The following MYH3 variants were observed in gnomAD, a reference collection of about 807,000 sequenced individuals.
The protein encoded by MYH3 is myosin heavy chain 3, also known as myosin-3.
A neutral mutation model predicts 238.0 loss-of-function variants in MYH3; 130 were observed. The observed-to-expected ratio is 0.55, with a 90% CI of 0.47 to 0.63. The LOEUF (loss-of-function observed/expected upper bound fraction) is 0.63, where lower values mean the gene tolerates loss of function less well. Ranked by LOEUF, MYH3 falls within the 30% of genes least tolerant of loss-of-function variation. The probability of loss-of-function intolerance (pLI) is 0.00; values close to 1 mark genes in which losing one functional copy is unlikely to be tolerated. For missense variants in MYH3, 1,853 were observed against 2,374.9 expected, an observed-to-expected ratio of 0.78 and a Z score of 4.57; for synonymous variants, 880 against 924.1, an observed-to-expected ratio of 0.95 and a Z score of 0.86.
upstream of MYH3, among the ~76,000 whole-genome samples, chr17:10,658,363 C>T (rs781242403): frequency 6.6e-6 from 1 of 152,094 alleles, no homozygotes. Context: ...CCGCCCCTTC[C>T]GTACACAGCA....
At chr17:10,632,872 A>C in intron 33 of MYH3, 88 bp from the exon 34 acceptor site, 1 of 1,323,678 alleles carries the variant, frequency 7.6e-7, no homozygotes, top group Non-Finnish European at 1.1e-6. Context: ...CTTCAATGGA[A>C]TAGTCCTAAA....
At chr17:10,628,752 T>G in intron 40 of MYH3, 73 bp from the exon 41 acceptor site, 9 of 1,511,750 alleles carry the variant, frequency 6.0e-6, no homozygotes, top group South Asian at 1.1e-5. Context: ...TTCTGCCGGC[T>G]GGCATCAGAG....
intron 14 of MYH3, among the ~76,000 whole-genome samples, 198 bp downstream of exon 14, chr17:10,644,153 T>A (rs2074298383): frequency 1.1e-5 from 1 of 93,778 alleles, no homozygotes; most frequent in South Asian, 3.3e-4. Flanking sequence ...TGAAACTCAG[T>A]CTCAAAAAAA....
intron 8 of MYH3, among the ~76,000 whole-genome samples, chr17:10,648,187 C>T (rs199597916): frequency 2.0e-4 from 31 of 152,262 alleles, no homozygotes; most frequent in East Asian, 1.9e-3. Context: ...CACAGACCCT[C>T]TGTAGGTGCC....
At chr17:10,632,342 C>G (rs761438039) in intron 34 of MYH3, 134 bp downstream of exon 34, 16 of 1,070,288 alleles carry the variant, frequency 1.5e-5, no homozygotes, top group African/African-American at 3.1e-5. Flanking sequence ...TGGTATCAAA[C>G]TCCTGGGCTC....
chr17:10,632,565 G>C lies in MYH3; in HGVS notation c.4867C>G (p.Leu1623Val), dbSNP rs1268158886. The change falls in exon 34 of 41, where the codon CTG becomes GTG. Residue 1623 changes from leucine (L) to valine (V), a missense_variant. Physicochemically the swap from Leu to Val is conservative, Grantham distance 32. Transcript: ENST00000583535. The part of the protein sequence containing the change: ...IRLKKKMEGD[L>V]NEIEIQLSHA... ...CTCAGCTGGATCTCGATTTCATTCA[G>C]GTCCCCCTCCATCTTCTTCTTGAGC... 2 of 1,614,166 alleles carry C rather than the reference G, an allele frequency of 1.2e-6. No individual in the cohort carries two copies. The highest frequency in any genetic ancestry group is 1.7e-6 in the Non-Finnish European group (2 of 1,180,052).
rs750838090 is a variant in MYH3 at position 10,639,805 on chromosome 17, T to TA, written c.2683-4dup. On this transcript the variant is annotated splice_region_variant and splice_polypyrimidine_tract_variant and intron_variant, in intron 22 of 40. Transcript: ENST00000583535. ...GCATCCAACAAATTTTCGCTTTCCT[T>TA]AAAAAAAAAAGAATAATAACTTCGT... 3,324 of 1,320,172 alleles carry TA rather than the reference T, an allele frequency of 2.5e-3. 2 individuals are homozygous for TA. Among genetic ancestry groups the TA allele is most frequent in the Non-Finnish European group, 2.7e-3 (2,612 of 956,120 alleles). 81.8% of individuals were successfully genotyped at this position (1,320,172 alleles called of 1,614,324 possible).
At position 10,635,431 on chromosome 17, in the gene MYH3, C is replaced by T. The variant is rs1314982652; in HGVS notation, c.4108G>A (p.Ala1370Thr). 6.2e-7 allele frequency: 1 copy of T among 1,614,088 alleles called. No individual in the cohort carries two copies. The highest frequency in any genetic ancestry group is 1.3e-5 in the African/African-American group (1 of 75,064). Residue 1370 changes from alanine to threonine, a missense_variant, in exon 30 of 41, where the codon GCC becomes ACC. Around this residue, in one of 3 missense-constraint regions of MYH3, gnomAD observed 1,044 missense variants for 1,192.6 expected, o/e 0.88. Transcript: ENST00000583535. ...GTCTCGTATTTGGTTCTCCACTGGG[C>T]AACCTCACTATTGGCCTTGGACAGC... ...RALSKANSEVAQWRTKYETDA... is the reference protein window; with the variant it reads ...RALSKANSEVTQWRTKYETDA...
At chr17:10,637,249 G>A (rs1336058986) in intron 28 of MYH3, among the ~76,000 whole-genome samples, 3 of 151,920 alleles carry the variant, frequency 2.0e-5, no homozygotes, top group Admixed American at 1.3e-4. Context: ...TAATAGAGAC[G>A]GGGTTTCACC....
chr17:10,635,369 G>A lies in MYH3; in HGVS notation c.4170C>T (p.Ala1390=), dbSNP rs1319307535. 6.2e-7 allele frequency: 1 copy of A among 1,613,994 alleles called. No individual in the cohort carries two copies. Residue 1390 remains alanine, a splice_region_variant and synonymous_variant, in exon 30 of 41, where the codon GCC becomes GCT. Transcript: ENST00000583535. The stretch of plus-strand genomic sequence containing the variant: ...TAAAAGCAAACAGAGCTGCGCACTT[G>A]GCCTCCTCCAGCTCTTCTGTGCGCT... The part of the protein sequence containing the change: ...AIQRTEELEE[A]KKKLAQRLQD...
chr17:10,633,959 T>G (rs1181181231), intron 32 of MYH3, 58 bp downstream of exon 32: 1 of 1,598,060 alleles, frequency 6.3e-7, no homozygotes, highest in Non-Finnish European at 8.5e-7. Context: ...CACGCCAGCA[T>G]GCTCTCGAGC....
intron 10 of MYH3, 73 bp from the exon 11 acceptor site, chr17:10,646,105 G>A: frequency 1.6e-6 from 2 of 1,268,142 alleles, no homozygotes; most frequent in South Asian, 1.2e-5. Flanking sequence ...TTGAGCTCCT[G>A]CACCCTGGGC....
chr17:10,645,006 T>A (rs1372110980), intron 12 of MYH3, among the ~76,000 whole-genome samples: 1 of 151,226 alleles, frequency 6.6e-6, no homozygotes, highest in African/African-American at 2.4e-5. Context: ...GAAAGGGTCA[T>A]TCACTTCTCC....
At chr17:10,655,178 C>T in intron 2 of MYH3, 106 bp from the exon 3 acceptor site, 1 of 915,068 alleles carries the variant, frequency 1.1e-6, no homozygotes, top group South Asian at 1.3e-5. Flanking sequence ...CCGCAGGAGC[C>T]CTCAGAGTCA....
intron 36 of MYH3, among the ~76,000 whole-genome samples, chr17:10,630,743 C>G (rs534424523): frequency 6.6e-6 from 1 of 152,022 alleles, no homozygotes; most frequent in Admixed American, 6.6e-5. Flanking sequence ...CCCAGCTACT[C>G]CGGAGGCTGA....
Position 10,641,504 on chromosome 17 carries a change from CTGTCTTTTTTTT to C in MYH3, c.1960-144_1960-133del, listed in dbSNP as rs72032178. ...TAAAGTATAGTGAAATGATTTAACT[CTGTCTTTTTTTT>C]TTTTTTTTTTTTTTTTGAGACGGAG... On this transcript the variant is annotated intron_variant, in intron 17 of 40. Transcript: ENST00000583535. The C allele has an allele frequency of 0.46, 273,053 of 588,884 alleles. 33,518 individuals are homozygous for C. Among genetic ancestry groups the C allele is most frequent in the Non-Finnish European group, 0.51 (181,194 of 353,904 alleles). 36.5% of individuals were successfully genotyped at this position (588,884 alleles called of 1,614,324 possible). A position where few individuals can be genotyped will look rare whatever the true frequency, so the allele number is the denominator to read the frequency against.
chr17:10,635,215 TTTG>T, intron 30 of MYH3, 149 bp downstream of exon 30: 1 of 1,401,008 alleles, frequency 7.1e-7, no homozygotes, highest in South Asian at 1.3e-5. Flanking sequence ...ATCAAAGCTG[TTTG>T]TTTTAATAAA....
rs758664734 is a variant in MYH3, at chr17:10,632,643, T to C, written c.4789A>G (p.Thr1597Ala). The C allele has an allele frequency of 6.2e-7, 1 of 1,614,182 alleles. No homozygotes were observed. The highest frequency in any genetic ancestry group is 1.1e-5 in the South Asian group (1 of 91,070). ...LKRNYQRTVE[T>A]MQSALDAEVR... ...TCGGCGTCCAGGGCGCTCTGCATGG[T>C]TTCCACTGTTCTCTGGTAGTTCCTC... is the stretch of plus-strand genomic sequence containing the variant. The change falls in exon 34 of 41, where the codon ACC (threonine) becomes GCC (alanine). Residue 1597 changes from threonine to alanine, a missense_variant. Thr to Ala is a moderately conservative substitution (Grantham distance 58, BLOSUM62 0). Transcript: ENST00000583535.
chr17:10,651,406 C>G, intron 5 of MYH3, 106 bp downstream of exon 5: 1 of 1,590,016 alleles, frequency 6.3e-7, no homozygotes, highest in Non-Finnish European at 8.6e-7. Flanking sequence ...CCTCCTTTCC[C>G]TGTGCTAAAC....
Sources: gnomAD v4.1 joint callset for allele counts (sites outside exome capture counted in the v4.1 genomes callset) on GRCh38, gnomAD v4.1.1 for gene constraint, gnomAD v4.1.1 regional missense constraint, MANE v1.5 for transcripts, NCBI Gene and HGNC (gene_info 2026-07-23, HGNC 2026-07-21) for gene names.